MITF: variants seen among roughly 807,000 people sequenced by gnomAD.
MITF encodes microphthalmia-associated transcription factor.
Under a neutral mutation model 60.5 loss-of-function variants are expected in MITF, and 17 were observed. The observed-to-expected ratio is 0.28, with a 90% confidence interval of 0.19 to 0.42. The LOEUF (loss-of-function observed/expected upper bound fraction) is 0.42. Among genes scored for constraint, MITF ranks in the 10% least tolerant of loss-of-function variants. The probability of loss-of-function intolerance (pLI) is 1.00; values close to 1 mark genes in which losing one functional copy is unlikely to be tolerated. For missense variants in MITF, 622 were observed against 683.5 expected, an observed-to-expected ratio of 0.91 and a Z score of 1.00; for synonymous variants, 260 against 248.5, an observed-to-expected ratio of 1.05 and a Z score of -0.43.
chr3:69,937,789 G>T (rs771636078), intron 2 of MITF, 33 bp from the exon 3 acceptor site: 5 of 1,575,524 alleles, frequency 3.2e-6, no homozygotes, highest in Non-Finnish European at 4.4e-6. Context: ...AAATAACAGC[G>T]CTGTTTTCTT....
At chr3:69,957,708 C>G (rs1412056060) in intron 8 of MITF, among the ~76,000 whole-genome samples, 1 of 152,226 alleles carries the variant, frequency 6.6e-6, no homozygotes, top group African/African-American at 2.4e-5. Flanking sequence ...GCATGTGAAT[C>G]TCTTTAGCAA....
At chr3:69,780,827 G>T (rs977792551) in intron 1 of MITF, among the ~76,000 whole-genome samples, 1 of 152,118 alleles carries the variant, frequency 6.6e-6, no homozygotes, top group Non-Finnish European at 1.5e-5. Context: ...CATCACTCTT[G>T]CCACTTTCTG....
intron 5 of MITF, among the ~76,000 whole-genome samples, chr3:69,947,606 G>A (rs957273980): frequency 1.3e-5 from 2 of 152,120 alleles, no homozygotes; most frequent in African/African-American, 2.4e-5. Flanking sequence ...TTGTGCCTGT[G>A]TATGGGGGTA....
chr3:69,876,166 A>C (rs747146782), intron 1 of MITF, among the ~76,000 whole-genome samples: 2 of 152,148 alleles, frequency 1.3e-5, no homozygotes, highest in African/African-American at 2.4e-5. Context: ...TAGAAATTTT[A>C]ATTTAAGATG....
At chr3:69,916,240 C>T (rs974602005) in intron 2 of MITF, among the ~76,000 whole-genome samples, 1 of 151,974 alleles carries the variant, frequency 6.6e-6, no homozygotes, top group African/African-American at 2.4e-5. Context: ...TTTAAATAAT[C>T]ACATAATAAT....
chr3:69,793,520 A>G (rs189357605), intron 1 of MITF, among the ~76,000 whole-genome samples: 187 of 152,134 alleles, frequency 1.2e-3, no homozygotes, highest in Admixed American at 0.012. Context: ...CCCTCTCCCA[A>G]TGCTCATAGC....
At chr3:69,932,373 T>G (rs1339751449) in intron 2 of MITF, among the ~76,000 whole-genome samples, 2 of 152,228 alleles carry the variant, frequency 1.3e-5, no homozygotes, top group African/African-American at 2.4e-5. Context: ...TCATGAAATA[T>G]TCTTCTTTTC....
intron 1 of MITF, among the ~76,000 whole-genome samples, chr3:69,839,764 G>A (rs535136742): frequency 0.011 from 1,716 of 151,798 alleles, 13 homozygotes; most frequent in Middle Eastern, 0.017. Flanking sequence ...AAAAAAAAAA[G>A]TAAGGGAATT....
chr3:69,901,928 C>A (rs1441225261), intron 2 of MITF, among the ~76,000 whole-genome samples: 1 of 152,176 alleles, frequency 6.6e-6, no homozygotes, highest in Non-Finnish European at 1.5e-5. Flanking sequence ...TATTCTGGGC[C>A]TACATGGGGA....
chr3:69,879,087 G>A (rs2064420617), intron 1 of MITF, 47 bp from the exon 2 acceptor site: 1 of 1,528,350 alleles, frequency 6.5e-7, no homozygotes, highest in Non-Finnish European at 9.1e-7. Context: ...CAAACGAAGG[G>A]TCTCATTAGG....
chr3:69,805,563 G>A (rs1478120366), intron 1 of MITF, among the ~76,000 whole-genome samples: 1 of 152,130 alleles, frequency 6.6e-6, no homozygotes, highest in Non-Finnish European at 1.5e-5. Flanking sequence ...TATTACAAGG[G>A]CAGGAAGAAT....
chr3:69,833,979 C>T (rs2063498274), intron 1 of MITF, among the ~76,000 whole-genome samples: 1 of 152,214 alleles, frequency 6.6e-6, no homozygotes, highest in Non-Finnish European at 1.5e-5. Context: ...CTCAGTGAAA[C>T]TTGAATTGTG....
At chr3:69,909,040 A>G (rs947819974) in intron 2 of MITF, among the ~76,000 whole-genome samples, 52 of 152,104 alleles carry the variant, frequency 3.4e-4, no homozygotes, top group African/African-American at 1.2e-3. Flanking sequence ...AGACATGGTG[A>G]TACGGCTTGG....
At chr3:69,787,430 A>G (rs561114515) in intron 1 of MITF, among the ~76,000 whole-genome samples, 5 of 152,322 alleles carry the variant, frequency 3.3e-5, no homozygotes, top group East Asian at 1.9e-4. Context: ...TGAATAAACG[A>G]CTAGATCAAG....
chr3:69,928,979 A>G (rs2065655203), intron 2 of MITF, among the ~76,000 whole-genome samples: 1 of 152,166 alleles, frequency 6.6e-6, no homozygotes. Flanking sequence ...TAGATAAGGA[A>G]GCTTTATCAT....
At chr3:69,827,612 A>G (rs1390831637) in intron 1 of MITF, among the ~76,000 whole-genome samples, 10 of 152,200 alleles carry the variant, frequency 6.6e-5, no homozygotes, top group Admixed American at 1.3e-4. Flanking sequence ...AGAGAGAGCA[A>G]TCGGTAGGAA....
intron 1 of MITF, among the ~76,000 whole-genome samples, chr3:69,765,588 A>G (rs1240125701): frequency 6.6e-6 from 1 of 152,186 alleles, no homozygotes; most frequent in Non-Finnish European, 1.5e-5. Context: ...GATTAAACTG[A>G]AGAATTGCAG....
At chr3:69,873,913 G>T (rs983001704) in intron 1 of MITF, among the ~76,000 whole-genome samples, 1 of 152,192 alleles carries the variant, frequency 6.6e-6, no homozygotes, top group African/African-American at 2.4e-5. Flanking sequence ...TTCCAGGAAT[G>T]AGGCTGGACA....
chr3:69,776,568 C>T (rs1482531169), intron 1 of MITF, among the ~76,000 whole-genome samples: 1 of 152,136 alleles, frequency 6.6e-6, no homozygotes, highest in Non-Finnish European at 1.5e-5. Context: ...ACTTGTGGTT[C>T]ATGGTAAGTG....
Sources: gnomAD v4.1 joint callset for allele counts (sites outside exome capture counted in the v4.1 genomes callset) on GRCh38, gnomAD v4.1.1 for gene constraint, MANE v1.5 for transcripts, NCBI Gene and HGNC (gene_info 2026-07-23, HGNC 2026-07-21) for gene names.